Variants in SON observed in about 807,000 individuals in gnomAD.
SON encodes SON DNA and RNA binding protein, also known as protein SON.
A neutral mutation model predicts 173.3 loss-of-function variants in SON; 4 were observed. The ratio of observed to expected loss-of-function variants is 0.02; its 90% confidence interval spans 0.01 to 0.05. SON has a LOEUF of 0.05. Among genes scored for constraint, SON ranks in the 10% least tolerant of loss-of-function variants. The probability of loss-of-function intolerance (pLI) is 1.00; values close to 1 mark genes in which losing one functional copy is unlikely to be tolerated. For missense variants in SON, 2,626 were observed against 3,055.3 expected (o/e 0.86, Z 3.31); for synonymous variants, 1,190 against 1,105.9 (o/e 1.08, Z -1.51).
intron 6 of SON, among the ~76,000 whole-genome samples, chr21:33,565,097 T>C (rs1207950571): frequency 6.6e-6 from 1 of 152,190 alleles, no homozygotes; most frequent in Non-Finnish European, 1.5e-5. Context: ...ATTCTGGGGA[T>C]AAATGGTGAG....
At position 33,559,139 on chromosome 21, in the gene SON, G is replaced by T; in HGVS notation, c.6322-91G>T. On this transcript the variant is annotated intron_variant, in intron 4 of 11. Transcript: ENST00000356577. The surrounding 1 kb of genome is among the most constrained non-coding windows in gnomAD (Gnocchi z 4.1). ...CTATCATGAATCTTGTTTAACTTTG[G>T]AAAGTTGCTATTATGTGGTTTTGAT... 1 of 1,037,498 alleles carries T rather than the reference G, an allele frequency of 9.6e-7. No homozygotes were observed. Among genetic ancestry groups the T allele is most frequent in the Admixed American group, 2.9e-5 (1 of 34,448 alleles). The allele number at this position is 1,037,498 out of a possible 1,614,324, so 64.3% of individuals were successfully genotyped here.
intron 2 of SON, 135 bp from the exon 3 acceptor site, chr21:33,549,341 A>C (rs2085698737): frequency 6.0e-6 from 4 of 664,876 alleles, no homozygotes; most frequent in South Asian, 6.3e-5. Context: ...TCAGAGTGCT[A>C]AGATTACAGG....
At position 33,553,530 on chromosome 21, in the gene SON, T is replaced by C. The variant is rs896220538; in HGVS notation, c.4299T>C (p.Val1433=). 2 of 1,614,218 alleles carry C rather than the reference T, an allele frequency of 1.2e-6. No homozygotes were observed. Among genetic ancestry groups the C allele is most frequent in the Admixed American group, 3.3e-5 (2 of 60,030 alleles). ...CAGTCCTTCAACCTTCTATGATTGT[T>C]TCAGAACCATCTGTTTCTGTCCAGG... is the stretch of plus-strand genomic sequence containing the variant. ...AVSVLQPSMI[V]SEPSVSVQES... Residue 1433 remains valine (V), a synonymous_variant, in exon 3 of 12, where the codon GTT becomes GTC. Transcript: ENST00000356577.
intron 1 of SON, 100 bp from the exon 2 acceptor site, chr21:33,546,113 T>C: frequency 1.1e-6 from 1 of 948,872 alleles, no homozygotes; most frequent in Non-Finnish European, 1.5e-6. Context: ...AGGTAAAACA[T>C]CTGACAGTCA....
intron 1 of SON, among the ~76,000 whole-genome samples, chr21:33,544,862 T>G (rs1311218328): frequency 6.6e-6 from 1 of 152,222 alleles, no homozygotes; most frequent in East Asian, 1.9e-4. Context: ...TTAGGAAAAT[T>G]GTAAAATAAA....
At chr21:33,544,516 C>T (rs933229671) in intron 1 of SON, among the ~76,000 whole-genome samples, 1 of 151,948 alleles carries the variant, frequency 6.6e-6, no homozygotes, top group Non-Finnish European at 1.5e-5. Context: ...AAAAAACTCA[C>T]GTTATTGATA....
At chr21:33,560,616 CTG>C (rs2086054766) in intron 6 of SON, 6 of 941,600 alleles carry the variant, frequency 6.4e-6, no homozygotes, top group Non-Finnish European at 7.6e-6. Flanking sequence ...GTATGTATCT[CTG>C]TATCTGTACC....
Position 33,543,082 on chromosome 21 carries a change from G to T in SON, c.-11G>T, listed in dbSNP as rs762366949. 2.5e-6 allele frequency: 4 copies of T among 1,613,980 alleles called. No individual in the cohort carries two copies. The highest frequency in any genetic ancestry group is 3.4e-6 in the Non-Finnish European group (4 of 1,179,788). ...CTAGCGAGGAGGAGTTGAGAGAACG[G>T]AGCGGACGCCATGGCGACCAACATC... is the stretch of plus-strand genomic sequence containing the variant. On this transcript the variant is annotated 5_prime_UTR_variant, in exon 1 of 12. Coordinates refer to ENST00000356577, the MANE Select transcript of SON (RefSeq NM_138927.4).
chr21:33,569,673 C>G (rs1569067768), intron 8 of SON: 1 of 446,250 alleles, frequency 2.2e-6, no homozygotes, highest in African/African-American at 2.1e-5. Flanking sequence ...CTGGTTACAG[C>G]AAGTGGTTGG....
At chr21:33,572,707 G>T in intron 8 of SON, 1 of 693,302 alleles carries the variant, frequency 1.4e-6, no homozygotes. Flanking sequence ...AATTCATTTT[G>T]GCATACTTAC....
rs1569071910 is a variant in SON at position 33,576,603 on chromosome 21, G to C, written c.*179G>C. 1.4e-6 allele frequency: 1 copy of C among 707,346 alleles called. No individual in the cohort carries two copies. 43.8% of individuals were successfully genotyped at this position (707,346 alleles called of 1,614,324 possible). A position where few individuals can be genotyped will look rare whatever the true frequency, so the allele number is the denominator to read the frequency against. On this transcript the variant is annotated 3_prime_UTR_variant, in exon 12 of 12. Transcript: ENST00000356577. ...TTGAGGTTTTATAATAATCATTTCA[G>C]AATTTTACTCTGCATCACAATGTAT...
chr21:33,556,272 T>C (rs1376946405), intron 3 of SON, among the ~76,000 whole-genome samples: 1 of 152,126 alleles, frequency 6.6e-6, no homozygotes, highest in Non-Finnish European at 1.5e-5. Context: ...ATGGGTAAAA[T>C]GCATATATGT....
At position 33,553,606 on chromosome 21, in the gene SON, C is replaced by G; in HGVS notation, c.4375C>G (p.Gln1459Glu). ...EPAVTVSEQTQVIPTEVAIES... is the reference protein window; with the variant it reads ...EPAVTVSEQTEVIPTEVAIES... ...TGCTGTCACAGTCTCAGAGCAGACT[C>G]AAGTAATACCAACTGAGGTGGCTAT... The change falls in exon 3 of 12, where the codon CAA (glutamine) becomes GAA (glutamate). Residue 1459 changes from glutamine to glutamate, a missense_variant. Physicochemically the swap from Gln to Glu is conservative, Grantham distance 29. Transcript: ENST00000356577. 2 of 1,613,916 alleles carry G rather than the reference C, an allele frequency of 1.2e-6. No individual in the cohort carries two copies. The highest frequency in any genetic ancestry group is 1.1e-5 in the South Asian group (1 of 91,056).
intron 1 of SON, among the ~76,000 whole-genome samples, chr21:33,543,864 T>C (rs2085537708): frequency 6.6e-6 from 1 of 152,124 alleles, no homozygotes; most frequent in South Asian, 2.1e-4. Context: ...AGGTCTATTA[T>C]TTTCTTGCTA....
At chr21:33,575,536 G>T in intron 9 of SON, 60 bp from the exon 10 acceptor site, 1 of 1,280,940 alleles carries the variant, frequency 7.8e-7, no homozygotes, top group East Asian at 2.3e-5. Context: ...CTCCTACAGA[G>T]GGATCTTTGT....
Position 33,551,228 on chromosome 21 carries a change from CGAT to C in SON, c.2000_2002del (p.Met667del), listed in dbSNP as rs772014573. 4.3e-6 allele frequency: 7 copies of C among 1,614,130 alleles called. No homozygotes were observed. The highest frequency in any genetic ancestry group is 2.2e-5 in the East Asian group (1 of 44,880). ...GTGGTGACAACATCGGAGCTGTCAA[CGAT>C]GACCGTGTCGCAGTCCCTGGAGGTG... On this transcript the variant is annotated inframe_deletion, in exon 3 of 12. Coordinates refer to ENST00000356577, the MANE Select transcript of SON (RefSeq NM_138927.4).
At chr21:33,571,664 G>A (rs1036006853) in intron 8 of SON, 16 of 152,628 alleles carry the variant, frequency 1.0e-4, no homozygotes, top group African/African-American at 3.9e-4. Flanking sequence ...AGAAACAGAT[G>A]ATGATACTAG....
chr21:33,565,973 T>C (rs539772116), intron 6 of SON, among the ~76,000 whole-genome samples: 33 of 152,180 alleles, frequency 2.2e-4, no homozygotes, highest in Non-Finnish European at 4.0e-4. Context: ...GTTATAATTA[T>C]TCTCATAGTC....
intron 1 of SON, 158 bp downstream of exon 1, chr21:33,543,327 C>G: frequency 1.5e-6 from 1 of 648,252 alleles, no homozygotes; most frequent in Non-Finnish European, 2.7e-6. Flanking sequence ...CCCCCAACCG[C>G]CCCCCCAGCC....
Sources: gnomAD v4.1 joint callset for allele counts (sites outside exome capture counted in the v4.1 genomes callset) on GRCh38, gnomAD v4.1.1 for gene constraint, Gnocchi (gnomAD v3.1) non-coding constraint, MANE v1.5 for transcripts, NCBI Gene and HGNC (gene_info 2026-07-23, HGNC 2026-07-21) for gene names.